LRBA: variants seen among roughly 807,000 people sequenced by gnomAD.
The protein encoded by LRBA is lipopolysaccharide-responsive and beige-like anchor protein.
Under a neutral mutation model 330.0 loss-of-function variants are expected in LRBA, and 176 were observed. The observed-to-expected ratio is 0.53, with a 90% CI of 0.47 to 0.60. The LOEUF (loss-of-function observed/expected upper bound fraction) is 0.60, where lower values mean the gene tolerates loss of function less well. Among genes scored for constraint, LRBA ranks in the 20% least tolerant of loss-of-function variants. The pLI, the probability that LRBA is intolerant of heterozygous loss-of-function variation, is 0.00. For missense variants in LRBA, 3,259 were observed against 3,444.8 expected (o/e 0.95, Z 1.35); for synonymous variants, 1,230 against 1,193.0 (o/e 1.03, Z -0.64).
intron 37 of LRBA, among the ~76,000 whole-genome samples, chr4:150,604,600 A>T (rs1304648100): frequency 1.3e-5 from 2 of 151,968 alleles, no homozygotes; most frequent in Non-Finnish European, 2.9e-5. Context: ...AGGCAGATGC[A>T]AAAACAAATA....
Position 150,929,020 on chromosome 4 carries a change from C to T in LRBA, c.262G>A (p.Glu88Lys), listed in dbSNP as rs764517842. ...ACCATGCAGTTAATACTCTCACCTT[C>T]TTGGATAATGAAATTCATTTCCAGA... ...FDLEMNFIIQ[E>K]GESINCMVDL... Residue 88 changes from glutamate (E) to lysine (K), a missense_variant, in exon 3 of 57, where the codon GAA (glutamate) becomes AAA (lysine). Physicochemically the swap from Glu to Lys is moderately conservative, Grantham distance 56. Coordinates refer to ENST00000651943, the MANE Select transcript of LRBA (RefSeq NM_001364905.1). 1.2e-5 allele frequency: 19 copies of T among 1,613,134 alleles called. No homozygotes were observed. In the East Asian group the frequency reaches 4.0e-4, roughly 34 times the overall value.
chr4:150,392,816 G>T (rs140515538), intron 47 of LRBA, among the ~76,000 whole-genome samples: 7 of 151,012 alleles, frequency 4.6e-5, no homozygotes, highest in African/African-American at 1.7e-4. Context: ...ATGGACACAG[G>T]GGGAGGGGAA....
intron 56 of LRBA, among the ~76,000 whole-genome samples, chr4:150,275,640 GACAA>G (rs1245104743): frequency 2.0e-5 from 3 of 152,006 alleles, no homozygotes; most frequent in African/African-American, 7.2e-5. Context: ...ACCAATAACA[GACAA>G]ACAGCCAAAT....
intron 37 of LRBA, among the ~76,000 whole-genome samples, chr4:150,660,644 A>G (rs1318573110): frequency 1.4e-5 from 2 of 139,518 alleles, no homozygotes; most frequent in Non-Finnish European, 3.2e-5. Flanking sequence ...AAGGCGGGGA[A>G]AAGATTGAGA....
intron 17 of LRBA, among the ~76,000 whole-genome samples, chr4:150,873,839 C>A (rs971180515): frequency 1.3e-5 from 2 of 152,044 alleles, no homozygotes; most frequent in Non-Finnish European, 2.9e-5. Flanking sequence ...TATCTTCAAC[C>A]TCTAGTGATC....
chr4:150,999,531 G>A (rs1743094560), intron 2 of LRBA, among the ~76,000 whole-genome samples: 1 of 151,670 alleles, frequency 6.6e-6, no homozygotes, highest in African/African-American at 2.4e-5. Flanking sequence ...CCAAAGTCCT[G>A]GGATTACATG....
intron 47 of LRBA, among the ~76,000 whole-genome samples, chr4:150,388,992 A>G (rs1743485274): frequency 6.6e-6 from 1 of 152,214 alleles, no homozygotes; most frequent in Non-Finnish European, 1.5e-5. Context: ...GAGCCTAGAA[A>G]AGTATGTGAC....
At position 150,720,018 on chromosome 4, in the gene LRBA, T is replaced by C. The variant is rs75945619; in HGVS notation, c.5754+15240A>G. Reference sequence around the variant, plus strand: ...AGAAAGACTCCTCACCTATTTCAAATAAGCTCTTCCTCTTCATGATAGGCC... The same window carrying C: ...AGAAAGACTCCTCACCTATTTCAAACAAGCTCTTCCTCTTCATGATAGGCC... On this transcript the variant is annotated intron_variant, in intron 36 of 56. Transcript: ENST00000651943. Among the ~76,000 whole-genome samples the C allele has an allele frequency of 3.3e-3, 500 of 152,230 alleles. 23 individuals are homozygous for C. In the East Asian group the frequency reaches 0.091, roughly 28 times the overall value.
At chr4:150,647,573 A>C (rs899128523) in intron 37 of LRBA, among the ~76,000 whole-genome samples, 2 of 151,704 alleles carry the variant, frequency 1.3e-5, no homozygotes, top group African/African-American at 4.8e-5. Context: ...TTTTTAAATT[A>C]TGTGTTGTAG....
At chr4:150,895,086 T>A (rs1406424473) in intron 16 of LRBA, among the ~76,000 whole-genome samples, 1 of 151,896 alleles carries the variant, frequency 6.6e-6, no homozygotes, top group African/African-American at 2.4e-5. Flanking sequence ...TCACAAGGTA[T>A]TAATTATAAT....
intron 44 of LRBA, among the ~76,000 whole-genome samples, chr4:150,445,377 C>CTCTCTATATATA (rs1454079183): frequency 6.4e-5 from 5 of 78,628 alleles, no homozygotes; most frequent in African/African-American, 2.2e-4. Context: ...CTCTCTCTCT[C>CTCTCTATATATA]TATATATATA....
At chr4:150,513,745 T>C (rs1026250339) in intron 40 of LRBA, among the ~76,000 whole-genome samples, 47 of 152,314 alleles carry the variant, frequency 3.1e-4, no homozygotes, top group Admixed American at 3.9e-4. Context: ...GCCAAAGTCC[T>C]ATCAGATTGG....
intron 2 of LRBA, among the ~76,000 whole-genome samples, chr4:150,938,742 G>A (rs547308898): frequency 2.6e-5 from 4 of 152,208 alleles, no homozygotes; most frequent in South Asian, 2.1e-4. Flanking sequence ...AGAGCAAATC[G>A]ATCTATGGAT....
chr4:150,771,855 A>G lies in LRBA; in HGVS notation c.5581-10008T>C, dbSNP rs560477650. Among the ~76,000 whole-genome samples, 4 of 152,298 alleles carry G rather than the reference A, an allele frequency of 2.6e-5. No individual in the cohort carries two copies. In the East Asian group the frequency reaches 7.7e-4, roughly 29 times the overall value. The stretch of plus-strand genomic sequence containing the variant: ...GGCACTGGTGGGCGGCTGGGGAAAG[A>G]GGCTGACTAGTATCCACAGAACAGG... On this transcript the variant is annotated intron_variant, in intron 34 of 56. Coordinates refer to ENST00000651943, the MANE Select transcript of LRBA (RefSeq NM_001364905.1).
Position 150,495,196 on chromosome 4 carries a change from C to A in LRBA, c.6331-4161G>T, listed in dbSNP as rs185883079. The stretch of plus-strand genomic sequence containing the variant: ...TGTCACAGCCAATCACTATCACTAT[C>A]CTTGTTTTTAGGATTATCATCTATA... On this transcript the variant is annotated intron_variant, in intron 40 of 56. Coordinates refer to ENST00000651943, the MANE Select transcript of LRBA (RefSeq NM_001364905.1). Among the ~76,000 whole-genome samples the A allele has an allele frequency of 1.8e-3, 278 of 152,254 alleles. 3 individuals are homozygous for A. The highest frequency in any genetic ancestry group is 6.5e-3 in the African/African-American group (272 of 41,544).
intron 36 of LRBA, among the ~76,000 whole-genome samples, chr4:150,706,625 A>G (rs1282552408): frequency 6.6e-6 from 1 of 151,636 alleles, no homozygotes; most frequent in African/African-American, 2.4e-5. Flanking sequence ...AACTTCTGTA[A>G]GGCAACAAAA....
chr4:150,410,349 G>T (rs1411226819), intron 47 of LRBA, among the ~76,000 whole-genome samples: 1 of 152,092 alleles, frequency 6.6e-6, no homozygotes, highest in East Asian at 1.9e-4. Context: ...TATCAACCTT[G>T]TTTTTTCCTG....
intron 47 of LRBA, among the ~76,000 whole-genome samples, chr4:150,360,463 A>T (rs148198444): frequency 6.6e-6 from 1 of 152,360 alleles, no homozygotes; most frequent in Non-Finnish European, 1.5e-5. Context: ...CTTACAATGG[A>T]CAGCACATGT....
intron 37 of LRBA, among the ~76,000 whole-genome samples, chr4:150,643,995 T>C (rs1045478729): frequency 1.3e-5 from 2 of 151,956 alleles, no homozygotes; most frequent in African/African-American, 2.4e-5. Flanking sequence ...AATGTAGCTA[T>C]AGATGACCGT....
Sources: gnomAD v4.1 joint callset for allele counts (sites outside exome capture counted in the v4.1 genomes callset) on GRCh38, gnomAD v4.1.1 for gene constraint, MANE v1.5 for transcripts, NCBI Gene and HGNC (gene_info 2026-07-23, HGNC 2026-07-21) for gene names.